BBS9: variants seen among roughly 807,000 people sequenced by gnomAD.
The protein encoded by BBS9 is protein PTHB1.
In BBS9, 89 loss-of-function variants were observed where a neutral mutation model predicts 117.7. That is an observed-to-expected ratio of 0.76 (90% confidence interval 0.64 to 0.90). The LOEUF (loss-of-function observed/expected upper bound fraction) is 0.90. Ranked by LOEUF, BBS9 falls within the 40% of genes least tolerant of loss-of-function variation. The pLI is 0.00. For synonymous variants in BBS9, 379 were observed against 370.9 expected (o/e 1.02, Z -0.25); for missense variants, 982 against 1,042.2 (o/e 0.94, Z 0.80).
chr7:33,170,150 A>G (rs972935159), intron 4 of BBS9, among the ~76,000 whole-genome samples: 7 of 151,620 alleles, frequency 4.6e-5, no homozygotes, highest in African/African-American at 1.7e-4. Context: ...ACACAACCAA[A>G]AAAGAGAATT....
intron 19 of BBS9, among the ~76,000 whole-genome samples, chr7:33,398,995 T>A (rs994934782): frequency 2.0e-5 from 3 of 152,234 alleles, no homozygotes; most frequent in African/African-American, 7.2e-5. Context: ...GTGTTTTATT[T>A]AACTCTATAT....
chr7:33,155,732 TATA>T, intron 4 of BBS9, 30 bp downstream of exon 4: 2 of 1,277,480 alleles, frequency 1.6e-6, no homozygotes, highest in Non-Finnish European at 2.3e-6. Flanking sequence ...ATGTAGAATT[TATA>T]TTACAAATTG....
intron 19 of BBS9, among the ~76,000 whole-genome samples, chr7:33,468,514 T>C (rs1244984609): frequency 6.6e-6 from 1 of 152,180 alleles, no homozygotes; most frequent in Non-Finnish European, 1.5e-5. Flanking sequence ...ATATTTATCA[T>C]TTCTTTGTGT....
chr7:33,137,494 C>T (rs997639836), intron 1 of BBS9, among the ~76,000 whole-genome samples: 2 of 152,218 alleles, frequency 1.3e-5, no homozygotes, highest in Admixed American at 6.5e-5. Context: ...ATGCCTCCCC[C>T]GCTGCAGCCA....
chr7:33,468,678 A>G (rs1840527832), intron 19 of BBS9, among the ~76,000 whole-genome samples: 1 of 152,096 alleles, frequency 6.6e-6, no homozygotes, highest in South Asian at 2.1e-4. Flanking sequence ...TATGCTTTCC[A>G]GCCTCTGATA....
At chr7:33,575,311 AAT>A (rs1273390903) in intron 21 of BBS9, among the ~76,000 whole-genome samples, 2 of 151,896 alleles carry the variant, frequency 1.3e-5, no homozygotes, top group African/African-American at 4.8e-5. Flanking sequence ...AAAAGCCTTA[AAT>A]AAATGTCCTC....
intron 4 of BBS9, among the ~76,000 whole-genome samples, chr7:33,159,888 TC>T (rs1159443362): frequency 6.6e-6 from 1 of 152,112 alleles, no homozygotes; most frequent in Non-Finnish European, 1.5e-5. Context: ...TTAGCCAGGG[TC>T]CCCATGAACC....
intron 19 of BBS9, among the ~76,000 whole-genome samples, chr7:33,393,251 A>C (rs1827363861): frequency 6.6e-6 from 1 of 152,228 alleles, no homozygotes; most frequent in Non-Finnish European, 1.5e-5. Flanking sequence ...TAGGCGAATA[A>C]AACTGTCTGA....
chr7:33,618,915 A>G (rs557896072), intron 21 of BBS9, among the ~76,000 whole-genome samples: 123 of 152,316 alleles, frequency 8.1e-4, no homozygotes, highest in African/African-American at 3.0e-3. Context: ...TATGAAAAAA[A>G]TTATCAAATT....
intron 9 of BBS9, among the ~76,000 whole-genome samples, chr7:33,296,483 T>A (rs1055111141): frequency 5.3e-5 from 8 of 152,172 alleles, no homozygotes; most frequent in African/African-American, 1.9e-4. Context: ...GGAAGTTCTT[T>A]TAAGTCAAGG....
In BBS9 at chr7:33,590,124, G is replaced by A. The variant is rs549565224; in HGVS notation, c.2522-14741G>A. Among the ~76,000 whole-genome samples the A allele has an allele frequency of 1.1e-3, 160 of 152,216 alleles. 2 individuals are homozygous for A. Among genetic ancestry groups the A allele is most frequent in the African/African-American group, 3.8e-3 (157 of 41,548 alleles). ...CAAGTCAGCTGAGAGCTGAAAATTA[G>A]CCCATTGATGGAACCATGTGAAGAT... On this transcript the variant is annotated intron_variant, in intron 21 of 22. Coordinates refer to ENST00000242067, the MANE Select transcript of BBS9 (RefSeq NM_198428.3).
intron 21 of BBS9, among the ~76,000 whole-genome samples, chr7:33,632,544 A>G (rs1261450856): frequency 6.6e-6 from 1 of 151,722 alleles, no homozygotes; most frequent in African/African-American, 2.4e-5. Context: ...TAGACTTGCG[A>G]TTTTGCCTTG....
At chr7:33,297,039 C>A (rs1468466947) in intron 9 of BBS9, among the ~76,000 whole-genome samples, 1 of 152,056 alleles carries the variant, frequency 6.6e-6, no homozygotes, top group Non-Finnish European at 1.5e-5. Context: ...ATAGAAAAGA[C>A]CTTTAAAAGA....
intron 5 of BBS9, among the ~76,000 whole-genome samples, chr7:33,221,922 CAT>C (rs1032366718): frequency 6.7e-6 from 1 of 149,200 alleles, no homozygotes; most frequent in African/African-American, 2.4e-5. Flanking sequence ...CACACACACA[CAT>C]ATATGATATG....
chr7:33,344,572 T>C lies in BBS9; in HGVS notation c.1276-9T>C. Reference sequence around the variant, plus strand: ...ATTCTTTCTTGCCTTCTCAATTCTGTGTTTACAGCAAGCGACCGATGTTGA... The same window carrying C: ...ATTCTTTCTTGCCTTCTCAATTCTGCGTTTACAGCAAGCGACCGATGTTGA... On this transcript the variant is annotated splice_polypyrimidine_tract_variant and intron_variant, in intron 11 of 22. Transcript: ENST00000242067. The C allele has an allele frequency of 6.2e-7, 1 of 1,613,986 alleles. No homozygotes were observed.
chr7:33,558,443 G>C (rs1855613415), intron 21 of BBS9, among the ~76,000 whole-genome samples: 1 of 152,196 alleles, frequency 6.6e-6, no homozygotes, highest in African/African-American at 2.4e-5. Flanking sequence ...AGACATTCCA[G>C]AGAGAGGGAA....
At chr7:33,234,979 G>T (rs1484011993) in intron 5 of BBS9, among the ~76,000 whole-genome samples, 1 of 151,980 alleles carries the variant, frequency 6.6e-6, no homozygotes, top group Non-Finnish European at 1.5e-5. Flanking sequence ...TGGCATTGAT[G>T]ATATATTTTG....
intron 1 of BBS9, among the ~76,000 whole-genome samples, chr7:33,130,652 A>AT (rs1789452222): frequency 1.3e-5 from 2 of 152,222 alleles, no homozygotes; most frequent in Admixed American, 1.3e-4. Flanking sequence ...GTTGGCCAGC[A>AT]TTCAGAGAAA....
chr7:33,434,173 T>A (rs182111304), intron 19 of BBS9, among the ~76,000 whole-genome samples: 7 of 152,074 alleles, frequency 4.6e-5, no homozygotes, highest in Non-Finnish European at 8.8e-5. Flanking sequence ...TAGGATAGAT[T>A]TCTGGAAGTG....
Sources: allele counts gnomAD v4.1 joint callset (sites outside exome capture counted in the v4.1 genomes callset), GRCh38; gene constraint gnomAD v4.1.1; transcripts MANE v1.5; gene names NCBI Gene and HGNC (gene_info 2026-07-23, HGNC 2026-07-21).